TAF12: variants seen among roughly 807,000 people sequenced by gnomAD.
TAF12 encodes TATA-box binding protein associated factor 12, also known as transcription initiation factor TFIID subunit 12.
TAF12 carries 3 observed loss-of-function variants against 20.8 expected under a neutral mutation model. The ratio of observed to expected loss-of-function variants is 0.14; its 90% CI spans 0.07 to 0.37. The LOEUF is 0.37. Ranked by LOEUF, TAF12 falls within the 10% of genes least tolerant of loss-of-function variation. The pLI, the probability that TAF12 is intolerant of heterozygous loss-of-function variation, is 1.00. For missense variants in TAF12, 131 were observed against 197.9 expected (o/e 0.66, Z 2.03); for synonymous variants, 69 against 70.2 (o/e 0.98, Z 0.09).
At chr1:28,633,164 CTTT>C (rs769194043) in intron 1 of TAF12, among the ~76,000 whole-genome samples, 19 of 117,522 alleles carry the variant, frequency 1.6e-4, no homozygotes, top group African/African-American at 5.0e-4. Flanking sequence ...GCCCGGCCTA[CTTT>C]TTTTTTTTTT....
chr1:28,623,594 T>C (rs1192077335), intron 1 of TAF12, among the ~76,000 whole-genome samples: 2 of 152,204 alleles, frequency 1.3e-5, no homozygotes, highest in South Asian at 2.1e-4. Context: ...TATCAAATAA[T>C]GTTAAATTCA....
At chr1:28,609,856 C>T (rs1338101610) in intron 4 of TAF12, among the ~76,000 whole-genome samples, 1 of 152,192 alleles carries the variant, frequency 6.6e-6, no homozygotes, top group Non-Finnish European at 1.5e-5. Flanking sequence ...GGATATCCAT[C>T]TTCCCAAACT....
intron 1 of TAF12, among the ~76,000 whole-genome samples, chr1:28,635,072 T>A (rs1303279154): frequency 7.2e-6 from 1 of 138,746 alleles, no homozygotes; most frequent in Non-Finnish European, 1.6e-5. Flanking sequence ...AAAAAAAAAA[T>A]ACAAAAAATT....
At chr1:28,628,721 T>C (rs558913723) in intron 1 of TAF12, among the ~76,000 whole-genome samples, 16 of 152,118 alleles carry the variant, frequency 1.1e-4, no homozygotes, top group African/African-American at 2.6e-4. Flanking sequence ...CCAAGAGAAA[T>C]TGTTCAATGA....
intron 5 of TAF12, among the ~76,000 whole-genome samples, chr1:28,604,689 C>T (rs2124287318): frequency 6.6e-6 from 1 of 152,298 alleles, no homozygotes; most frequent in Admixed American, 6.5e-5. Flanking sequence ...AGCAGGGGCA[C>T]TCAACCAGGA....
chr1:28,623,445 C>T (rs945599097), intron 1 of TAF12, among the ~76,000 whole-genome samples: 1 of 151,418 alleles, frequency 6.6e-6, no homozygotes, highest in African/African-American at 2.4e-5. Context: ...TGCTTGAACT[C>T]GGGATGCAGA....
At chr1:28,628,703 A>C (rs1380014252) in intron 1 of TAF12, among the ~76,000 whole-genome samples, 1 of 152,216 alleles carries the variant, frequency 6.6e-6, no homozygotes, top group East Asian at 1.9e-4. Context: ...AGGCTCACGA[A>C]ATGGTCTCCA....
upstream of TAF12, among the ~76,000 whole-genome samples, chr1:28,647,210 TCA>T (rs1012115941): frequency 1.9e-4 from 29 of 152,164 alleles, no homozygotes; most frequent in Non-Finnish European, 1.5e-5. Flanking sequence ...ACTAAACTGT[TCA>T]CAGTTTGGAG....
At chr1:28,646,542 T>A (rs895637856), upstream of TAF12, among the ~76,000 whole-genome samples, 3 of 152,268 alleles carry the variant, frequency 2.0e-5, no homozygotes, top group Non-Finnish European at 4.4e-5. Context: ...TTTATTTATT[T>A]TTTTTTGAGA....
chr1:28,639,341 G>A (rs1440357656), intron 1 of TAF12, among the ~76,000 whole-genome samples: 2 of 150,300 alleles, frequency 1.3e-5, no homozygotes. Flanking sequence ...GCTTGAACCC[G>A]GGAGGTGAAA....
Position 28,605,396 on chromosome 1 carries a change from A to G in TAF12, c.426T>C (p.Ala142=). 6.2e-7 allele frequency: 1 copy of G among 1,614,072 alleles called. No homozygotes were observed. Among genetic ancestry groups the G allele is most frequent in the Non-Finnish European group, 8.5e-7 (1 of 1,180,008 alleles). The change falls in exon 5 of 6, where the codon GCT becomes GCC. Residue 142 remains alanine (A), a synonymous_variant. Transcript: ENST00000373824. ...CCTGTTTGTGAGCTTCTGTGGTGCA[A>G]GCTTTTTTGTAGGGTCGGATTTCTT... ...GSEEIRPYKK[A]CTTEAHKQRM... is the part of the protein sequence containing the mutation.
intron 2 of TAF12, among the ~76,000 whole-genome samples, chr1:28,619,935 C>T (rs563942740): frequency 3.4e-5 from 5 of 146,350 alleles, no homozygotes; most frequent in East Asian, 4.0e-4. Context: ...GGTGATAGAG[C>T]GAGACTCTGT....
At chr1:28,636,998 GTTTCA>G (rs79391354) in intron 1 of TAF12, among the ~76,000 whole-genome samples, 41,218 of 151,648 alleles carry the variant, frequency 0.27, 5,737 homozygotes, top group Middle Eastern at 0.32. Flanking sequence ...AAATACCAGT[GTTTCA>G]TTTCACTCAT....
At chr1:28,605,538 A>G (rs1316281461) in intron 4 of TAF12, 78 bp from the exon 5 acceptor site, 14 of 1,394,210 alleles carry the variant, frequency 1.0e-5, no homozygotes, top group Non-Finnish European at 1.4e-5. Context: ...CCCTTGGATC[A>G]GGGAGGATGA....
intron 3 of TAF12, among the ~76,000 whole-genome samples, chr1:28,616,896 G>C (rs1427641166): frequency 1.3e-5 from 2 of 151,474 alleles, no homozygotes; most frequent in Non-Finnish European, 2.9e-5. Context: ...AAGGCAGGTG[G>C]ATCACCTAAG....
intron 4 of TAF12, among the ~76,000 whole-genome samples, chr1:28,609,947 T>C (rs554827320): frequency 6.6e-6 from 1 of 152,168 alleles, no homozygotes; most frequent in East Asian, 1.9e-4. Flanking sequence ...TATTCTACTT[T>C]CTGTCTCTAT....
intron 1 of TAF12, among the ~76,000 whole-genome samples, chr1:28,641,772 C>T (rs1035391598): frequency 1.6e-5 from 2 of 126,810 alleles, no homozygotes; most frequent in South Asian, 4.7e-4. Flanking sequence ...TCAGACTGGG[C>T]GACAGAGAGA....
At position 28,642,051 on chromosome 1, in the gene TAF12, T is replaced by G. The variant is rs1269908619; in HGVS notation, c.-85+941A>C. ...ATCACTGACATTCTTTTATTTGAGA[T>G]GCAGAGATCTGTGCTCATTCAGGGT... On this transcript the variant is annotated intron_variant, in intron 1 of 5. Coordinates refer to ENST00000373824, the MANE Select transcript of TAF12 (RefSeq NM_005644.4). Among the ~76,000 whole-genome samples, 3 of 152,184 alleles carry G rather than the reference T, an allele frequency of 2.0e-5. No individual in the cohort carries two copies. The East Asian group carries it at 5.8e-4, about 29-fold the overall frequency.
chr1:28,636,902 G>A (rs1293111805), intron 1 of TAF12, among the ~76,000 whole-genome samples: 1 of 152,196 alleles, frequency 6.6e-6, no homozygotes, highest in Non-Finnish European at 1.5e-5. Context: ...GAGCCTAGGA[G>A]TGCGAGGCTG....
Sources: allele counts gnomAD v4.1 joint callset (sites outside exome capture counted in the v4.1 genomes callset), GRCh38; gene constraint gnomAD v4.1.1; transcripts MANE v1.5; gene names NCBI Gene and HGNC (gene_info 2026-07-23, HGNC 2026-07-21).